Variants in LRRC9 observed in about 807,000 individuals in gnomAD.
LRRC9 encodes leucine-rich repeat-containing protein 9.
In LRRC9, 122 loss-of-function variants were observed where a neutral mutation model predicts 63.2. That is an observed-to-expected ratio of 1.93 (90% CI 1.67 to 2.24). LRRC9 has a LOEUF of 2.24. Ranked by LOEUF, LRRC9 falls within the 30% of genes most tolerant of loss-of-function variation. LRRC9 has a pLI of 0.00. For synonymous variants in LRRC9, 366 were observed against 213.1 expected (o/e 1.72, Z -6.25); for missense variants, 1,071 against 627.7 (o/e 1.71, Z -7.55).
chr14:60,062,640 C>G (rs1187317657), intron 31 of LRRC9, among the ~76,000 whole-genome samples: 6 of 152,208 alleles, frequency 3.9e-5, no homozygotes, highest in Non-Finnish European at 7.3e-5. Flanking sequence ...TTGCCTCCTT[C>G]TCCAGTCTGA....
At chr14:60,007,995 G>C (rs1889958356) in intron 22 of LRRC9, 97 bp from the exon 23 acceptor site, 1 of 460,352 alleles carries the variant, frequency 2.2e-6, no homozygotes, top group African/African-American at 2.1e-5. Context: ...CCCATGGAAT[G>C]ATAGATAATT....
At chr14:59,976,472 C>G (rs219326) in intron 13 of LRRC9, among the ~76,000 whole-genome samples, 1 of 151,994 alleles carries the variant, frequency 6.6e-6, no homozygotes, top group Non-Finnish European at 1.5e-5. Flanking sequence ...CTAAACGATA[C>G]GTGTTTTGCA....
chr14:60,064,539 T>C (rs977904750), downstream of LRRC9, among the ~76,000 whole-genome samples: 2 of 152,240 alleles, frequency 1.3e-5, no homozygotes, highest in Non-Finnish European at 2.9e-5. Context: ...TGTATGTCTT[T>C]ACTTTAATCA....
At chr14:59,945,800 A>T (rs370054184) in intron 8 of LRRC9, among the ~76,000 whole-genome samples, 3 of 152,058 alleles carry the variant, frequency 2.0e-5, no homozygotes, top group Non-Finnish European at 4.4e-5. Context: ...CTAGAATTTT[A>T]CAAGAGTAGA....
exon 3 of LRRC9, chr14:59,928,332 A>G (rs1281722222): frequency 4.4e-6 from 3 of 677,130 alleles, no homozygotes; most frequent in Admixed American, 2.2e-5. Context: ...TCAAAGTTGG[A>G]GATGTTTTTC....
intron 23 of LRRC9, among the ~76,000 whole-genome samples, chr14:60,015,191 TC>T (rs1890577367): frequency 6.6e-6 from 1 of 152,196 alleles, no homozygotes. Flanking sequence ...TCTGTTTTTT[TC>T]ATTTGTTTCA....
intron 29 of LRRC9, among the ~76,000 whole-genome samples, chr14:60,052,209 G>A (rs978556173): frequency 3.3e-5 from 5 of 152,196 alleles, no homozygotes; most frequent in South Asian, 2.1e-4. Context: ...TACATTCAGG[G>A]AGGGAAGAAG....
chr14:59,990,650 A>T lies in LRRC9; in HGVS notation c.2211+5426A>T, dbSNP rs1468003818. On this transcript the variant is annotated intron_variant, in intron 17 of 31. Coordinates refer to ENST00000445360, the Ensembl canonical transcript of LRRC9. The surrounding 1 kb of genome is among the most constrained non-coding windows in gnomAD (Gnocchi z 4.2). Reference sequence around the variant, plus strand: ...TGGTCTCAAACTCCTGGTCTCAGGCAGTTCTCCTGCCTCAGCCTCCCAAAG... The same window carrying T: ...TGGTCTCAAACTCCTGGTCTCAGGCTGTTCTCCTGCCTCAGCCTCCCAAAG... Among the ~76,000 whole-genome samples, 1 of 151,662 alleles carries T rather than the reference A, an allele frequency of 6.6e-6. No homozygotes were observed. Among genetic ancestry groups the T allele is most frequent in the Admixed American group, 6.6e-5 (1 of 15,254 alleles).
intron 13 of LRRC9, among the ~76,000 whole-genome samples, chr14:59,976,472 C>T (rs219326): frequency 0.76 from 115,736 of 152,054 alleles, 45,861 homozygotes; most frequent in Non-Finnish European, 0.87. Context: ...CTAAACGATA[C>T]GTGTTTTGCA....
chr14:60,043,795 G>A (rs922824466), intron 29 of LRRC9, among the ~76,000 whole-genome samples: 3 of 118,872 alleles, frequency 2.5e-5, no homozygotes, highest in African/African-American at 1.0e-4. Flanking sequence ...CTTTGTTTTG[G>A]TATCAGGGTA....
At chr14:59,978,178 A>G (rs1886521612) in intron 15 of LRRC9, 46 bp downstream of exon 15, 2 of 694,148 alleles carry the variant, frequency 2.9e-6, no homozygotes, top group Non-Finnish European at 5.3e-6. Flanking sequence ...AATTCCTTAA[A>G]TGGGAACAAA....
chr14:60,029,336 G>A (rs535718753), intron 28 of LRRC9, among the ~76,000 whole-genome samples: 22 of 152,148 alleles, frequency 1.4e-4, no homozygotes, highest in African/African-American at 5.3e-4. Context: ...ATCGAGCTTA[G>A]AATAAAATGT....
At chr14:59,928,826 A>G (rs1425539482) in intron 3 of LRRC9, among the ~76,000 whole-genome samples, 1 of 152,170 alleles carries the variant, frequency 6.6e-6, no homozygotes, top group Non-Finnish European at 1.5e-5. Flanking sequence ...CAATGGGGAA[A>G]GGACCATCTA....
chr14:60,046,662 T>C (rs1315310697), intron 29 of LRRC9, among the ~76,000 whole-genome samples: 1 of 152,204 alleles, frequency 6.6e-6, no homozygotes, highest in African/African-American at 2.4e-5. Flanking sequence ...ACCGTGCTGT[T>C]TAGGTTAGTG....
At chr14:60,059,064 A>G (rs1894482234) in intron 31 of LRRC9, 1 of 152,186 alleles carries the variant, frequency 6.6e-6, no homozygotes, top group African/African-American at 2.4e-5. Context: ...TTATTAGTTT[A>G]ACCCTGGATT....
chr14:59,927,386 G>A lies in LRRC9; in HGVS notation c.-33-525G>A, dbSNP rs1262581599. ...TTGGTTCATATTCTCTAGAATGAAGGAGAAGTTGGAGTATTTATTTTAATA... is the reference window on the plus strand; with the variant it reads ...TTGGTTCATATTCTCTAGAATGAAGAAGAAGTTGGAGTATTTATTTTAATA... On this transcript the variant is annotated intron_variant, in intron 1 of 31. Coordinates refer to ENST00000445360, the Ensembl canonical transcript of LRRC9. This position sits in a 1 kb window ranked among gnomAD's most constrained non-coding sequence, Gnocchi z 4.4. 6.6e-6 allele frequency among the ~76,000 whole-genome samples: 1 copy of A among 151,924 alleles called. No individual in the cohort carries two copies. Among genetic ancestry groups the A allele is most frequent in the Non-Finnish European group, 1.5e-5 (1 of 67,916 alleles).
In LRRC9 at chr14:60,005,533, C is replaced by A. The variant is rs568221339; in HGVS notation, c.2843-864C>A. Among the ~76,000 whole-genome samples the A allele has an allele frequency of 3.3e-5, 5 of 152,188 alleles. No individual in the cohort carries two copies. In the East Asian group the frequency reaches 9.6e-4, roughly 29 times the overall value. On this transcript the variant is annotated intron_variant, in intron 21 of 31. Transcript: ENST00000445360. ...TTCAGACATGGGTAGGTTCCATATC[C>A]ATTTAATGATTTTTGCTTTGATGGC...
At chr14:59,931,453 G>A (rs1889695470) in intron 4 of LRRC9, among the ~76,000 whole-genome samples, 166 bp from the exon 5 acceptor site, 1 of 151,940 alleles carries the variant, frequency 6.6e-6, no homozygotes, top group Non-Finnish European at 1.5e-5. Context: ...TTCCAGTATA[G>A]AGAACAAAGG....
At chr14:60,062,868 C>T (rs981206341) in intron 31 of LRRC9, among the ~76,000 whole-genome samples, 1 of 151,160 alleles carries the variant, frequency 6.6e-6, no homozygotes, top group Admixed American at 6.6e-5. Flanking sequence ...CTGCTTTAAT[C>T]AGCCATGTCC....
Sources: gnomAD v4.1 joint callset for allele counts (sites outside exome capture counted in the v4.1 genomes callset) on GRCh38, gnomAD v4.1.1 for gene constraint, Gnocchi (gnomAD v3.1) non-coding constraint, MANE v1.5 for transcripts, NCBI Gene and HGNC (gene_info 2026-07-23, HGNC 2026-07-21) for gene names.